The following SGCD variants were observed in gnomAD, a reference collection of about 807,000 sequenced individuals.
SGCD encodes the protein sarcoglycan delta.
Under a neutral mutation model 36.6 loss-of-function variants are expected in SGCD, and 18 were observed. The observed-to-expected ratio is 0.49, with a 90% CI of 0.34 to 0.73. SGCD has a LOEUF of 0.73. Ranked by LOEUF, SGCD falls within the 30% of genes least tolerant of loss-of-function variation. The probability of loss-of-function intolerance (pLI) is 0.01; values close to 1 mark genes in which losing one functional copy is unlikely to be tolerated. For missense variants in SGCD, 387 were observed against 346.7 expected (o/e 1.12, Z -0.92); for synonymous variants, 133 against 130.6 (o/e 1.02, Z -0.12).
At chr5:156,473,746 C>T (rs1047479364) in intron 3 of SGCD, among the ~76,000 whole-genome samples, 2 of 152,160 alleles carry the variant, frequency 1.3e-5, no homozygotes, top group African/African-American at 4.8e-5. Flanking sequence ...TATGGTGATT[C>T]ATTCGATTTG....
chr5:156,576,513 A>G (rs1759963679), intron 4 of SGCD, among the ~76,000 whole-genome samples: 1 of 152,220 alleles, frequency 6.6e-6, no homozygotes, highest in South Asian at 2.1e-4. Flanking sequence ...GTCTTCCACA[A>G]TGGTTGAACT....
chr5:156,189,780 T>C (rs1763845753), intron 3 of SGCD, among the ~76,000 whole-genome samples: 1 of 152,192 alleles, frequency 6.6e-6, no homozygotes, highest in African/African-American at 2.4e-5. Flanking sequence ...AACATATCAT[T>C]GAGAACAGGG....
At chr5:155,769,974 A>G in the SGCD span, among the ~76,000 whole-genome samples, 1 of 152,042 alleles carries the variant, frequency 6.6e-6, no homozygotes, top group Non-Finnish European at 1.5e-5. Flanking sequence ...TTTTATTCAT[A>G]GGACTTGCTT....
chr5:155,889,177 G>A (rs1323755420), intron 1 of SGCD, among the ~76,000 whole-genome samples: 1 of 152,026 alleles, frequency 6.6e-6, no homozygotes, highest in Non-Finnish European at 1.5e-5. Flanking sequence ...CCTCTCCATA[G>A]CAAGCCTTCA....
chr5:156,577,798 A>G (rs899140634), intron 4 of SGCD, among the ~76,000 whole-genome samples: 1 of 152,192 alleles, frequency 6.6e-6, no homozygotes, highest in African/African-American at 2.4e-5. Flanking sequence ...GTTGCTTATC[A>G]GCTTAAGGAG....
At chr5:156,249,660 C>T (rs1267012666) in intron 3 of SGCD, among the ~76,000 whole-genome samples, 1 of 151,856 alleles carries the variant, frequency 6.6e-6, no homozygotes, top group African/African-American at 2.4e-5. Context: ...CTCTTTAAGC[C>T]CCAGTTATGC....
chr5:156,014,950 A>C (rs1242716037), intron 1 of SGCD, among the ~76,000 whole-genome samples: 1 of 152,204 alleles, frequency 6.6e-6, no homozygotes, highest in Non-Finnish European at 1.5e-5. Context: ...CTTTCCTGGC[A>C]TCACATCTGA....
At position 156,759,401 on chromosome 5, in the gene SGCD, A is replaced by G. The variant is rs1349091865; in HGVS notation, c.*11A>G. 6.3e-7 allele frequency: 1 copy of G among 1,582,216 alleles called. No individual in the cohort carries two copies. The highest frequency in any genetic ancestry group is 8.6e-7 in the Non-Finnish European group (1 of 1,159,674). ...AGTGTCTGCCTCTGAAAGACTATCC[A>G]TAGTGGACATTGTTGGCAGCATAAA... On this transcript the variant is annotated 3_prime_UTR_variant, in exon 9 of 9. Transcript: ENST00000337851.
At chr5:156,174,411 C>G (rs1561550182) in intron 3 of SGCD, among the ~76,000 whole-genome samples, 1 of 152,036 alleles carries the variant, frequency 6.6e-6, no homozygotes, top group East Asian at 1.9e-4. Flanking sequence ...GTGGCTGGAG[C>G]ATGGTGAACT....
chr5:156,453,301 GA>G (rs1351437429), intron 3 of SGCD, among the ~76,000 whole-genome samples: 4 of 152,030 alleles, frequency 2.6e-5, no homozygotes, highest in African/African-American at 9.7e-5. Flanking sequence ...TCTTTATGTA[GA>G]AAACATAAAG....
chr5:156,095,711 A>T (rs1331888321), intron 1 of SGCD, among the ~76,000 whole-genome samples: 1 of 152,208 alleles, frequency 6.6e-6, no homozygotes, highest in Non-Finnish European at 1.5e-5. Flanking sequence ...GGGCCCAAGC[A>T]TAAATGTTCC....
chr5:156,096,366 C>G (rs1331985522), intron 1 of SGCD, among the ~76,000 whole-genome samples: 1 of 152,174 alleles, frequency 6.6e-6, no homozygotes, highest in African/African-American at 2.4e-5. Flanking sequence ...TATTCCAGAG[C>G]TAGCAGTGGG....
At chr5:156,586,578 A>T (rs922225514) in intron 4 of SGCD, among the ~76,000 whole-genome samples, 2 of 152,134 alleles carry the variant, frequency 1.3e-5, no homozygotes, top group Non-Finnish European at 2.9e-5. Context: ...AACCTCATTT[A>T]TCTGTTCATT....
intron 6 of SGCD, among the ~76,000 whole-genome samples, chr5:156,597,537 C>T (rs946161007): frequency 6.6e-6 from 1 of 152,134 alleles, no homozygotes; most frequent in Non-Finnish European, 1.5e-5. Context: ...AAAAACCCAC[C>T]CCTATGATTC....
the SGCD span, among the ~76,000 whole-genome samples, chr5:155,860,078 AG>A: frequency 1.4e-5 from 2 of 146,064 alleles, no homozygotes; most frequent in African/African-American, 5.6e-5. Context: ...GTGGAGGCAG[AG>A]AGAGAACAAT....
intron 3 of SGCD, among the ~76,000 whole-genome samples, chr5:156,170,104 G>A (rs1369581748): frequency 2.0e-5 from 3 of 152,294 alleles, no homozygotes; most frequent in Non-Finnish European, 4.4e-5. Context: ...ACCAGCAAGC[G>A]CTGAAGGGAG....
chr5:155,740,068 C>T, the SGCD span, among the ~76,000 whole-genome samples: 1 of 152,144 alleles, frequency 6.6e-6, no homozygotes, highest in Non-Finnish European at 1.5e-5. Flanking sequence ...GTTTGAAATG[C>T]ATTCATATAT....
At chr5:155,739,514 G>C in the SGCD span, among the ~76,000 whole-genome samples, 1 of 152,146 alleles carries the variant, frequency 6.6e-6, no homozygotes, top group Non-Finnish European at 1.5e-5. Flanking sequence ...CCTCAGCTAG[G>C]GTTCTGTAGA....
rs1757489807 is a variant in SGCD, at chr5:156,761,002, G to A, written c.*1612G>A. On this transcript the variant is annotated 3_prime_UTR_variant, in exon 9 of 9. Transcript: ENST00000337851. Reference sequence around the variant, plus strand: ...GCTTAGACAGTCCTGGATGCCATTTGGAAAGTAGTGGCCCTGCAAGCCTAA... The same window carrying A: ...GCTTAGACAGTCCTGGATGCCATTTAGAAAGTAGTGGCCCTGCAAGCCTAA... 6.6e-6 allele frequency: 1 copy of A among 152,196 alleles called. No individual in the cohort carries two copies. Among genetic ancestry groups the A allele is most frequent in the Admixed American group, 6.5e-5 (1 of 15,280 alleles). 9.4% of individuals were successfully genotyped at this position (152,196 alleles called of 1,614,324 possible). A position where few individuals can be genotyped will look rare whatever the true frequency, so the allele number is the denominator to read the frequency against.
Sources: allele counts gnomAD v4.1 joint callset (sites outside exome capture counted in the v4.1 genomes callset), GRCh38; gene constraint gnomAD v4.1.1; transcripts MANE v1.5; gene names NCBI Gene and HGNC (gene_info 2026-07-23, HGNC 2026-07-21).